GALNT16: variants seen among roughly 807,000 people sequenced by gnomAD.
The protein encoded by GALNT16 is UDP-GalNAc:polypeptide N-acetylgalactosaminyltransferase-like protein 1.
GALNT16 carries 40 observed loss-of-function variants against 76.1 expected under a neutral mutation model. The ratio of observed to expected loss-of-function variants is 0.53; its 90% confidence interval spans 0.41 to 0.68. The LOEUF (loss-of-function observed/expected upper bound fraction) is 0.68. Among genes scored for constraint, GALNT16 ranks in the 30% least tolerant of loss-of-function variants. GALNT16 has a pLI of 0.00. For missense variants in GALNT16, 621 were observed against 731.9 expected (o/e 0.85, Z 1.75); for synonymous variants, 276 against 285.2 (o/e 0.97, Z 0.32).
At chr14:69,360,002 C>T (rs554214195), downstream of GALNT16, among the ~76,000 whole-genome samples, 6 of 149,902 alleles carry the variant, frequency 4.0e-5, no homozygotes, top group Admixed American at 6.6e-5. Context: ...TCCAGCCTGG[C>T]GACGGAGTGG....
chr14:69,269,425 G>A (rs1328022834), intron 1 of GALNT16, among the ~76,000 whole-genome samples: 1 of 151,012 alleles, frequency 6.6e-6, no homozygotes, highest in African/African-American at 2.4e-5. Flanking sequence ...GTATGTGTAT[G>A]TGTGGTATGT....
chr14:69,325,457 TC>T, intron 4 of GALNT16, 53 bp downstream of exon 4: 1 of 1,060,550 alleles, frequency 9.4e-7, no homozygotes, highest in Non-Finnish European at 1.5e-6. Context: ...CGTCCCTGTT[TC>T]CCCAGAACAC....
chr14:69,274,379 T>G (rs1025213044), intron 1 of GALNT16, among the ~76,000 whole-genome samples: 2 of 152,230 alleles, frequency 1.3e-5, no homozygotes, highest in Admixed American at 1.3e-4. Flanking sequence ...TTATTTATTC[T>G]CTCTCATTGG....
At chr14:69,316,779 G>GGGGGGC (rs2045107894) in intron 1 of GALNT16, among the ~76,000 whole-genome samples, 1 of 133,972 alleles carries the variant, frequency 7.5e-6, no homozygotes, top group Non-Finnish European at 1.6e-5. Flanking sequence ...GTCTGTGAGG[G>GGGGGGC]GGGGGGGCAC....
At chr14:69,375,464 TTCTGGGGTCC>T in the GALNT16 span, among the ~76,000 whole-genome samples, 1 of 152,320 alleles carries the variant, frequency 6.6e-6, no homozygotes, top group Non-Finnish European at 1.5e-5. Context: ...CTATTCTTTG[TTCTGGGGTCC>T]TGGCACACAG....
chr14:69,380,597 A>G, the GALNT16 span: 1 of 1,601,550 alleles, frequency 6.2e-7, no homozygotes, highest in Non-Finnish European at 8.5e-7. Context: ...TCTTTAATCC[A>G]GTCTTTGTTA....
At chr14:69,380,521 C>T in the GALNT16 span, 1 of 1,367,760 alleles carries the variant, frequency 7.3e-7, no homozygotes, top group Non-Finnish European at 1.0e-6. Flanking sequence ...CCAACCCCCC[C>T]AGTGCTTCCA....
At chr14:69,294,856 T>C (rs777358562) in intron 1 of GALNT16, among the ~76,000 whole-genome samples, 1 of 152,150 alleles carries the variant, frequency 6.6e-6, no homozygotes, top group Non-Finnish European at 1.5e-5. Flanking sequence ...GGAGCGGGGA[T>C]TTCAGGCACA....
the GALNT16 span, among the ~76,000 whole-genome samples, chr14:69,382,732 G>A: frequency 0.015 from 2,307 of 151,228 alleles, 25 homozygotes; most frequent in Non-Finnish European, 0.025. Context: ...CCAGCTACTC[G>A]GGAGGCTGAG....
At chr14:69,262,588 G>C (rs1242120337) in intron 1 of GALNT16, among the ~76,000 whole-genome samples, 6 of 152,178 alleles carry the variant, frequency 3.9e-5, no homozygotes, top group Admixed American at 2.0e-4. Flanking sequence ...GGGAAGTGAA[G>C]GTGCAGGAAG....
At position 69,352,069 on chromosome 14, in the gene GALNT16, C is replaced by A; in HGVS notation, c.1578C>A (p.Val526=). 6.2e-7 allele frequency: 1 copy of A among 1,613,970 alleles called. No individual in the cohort carries two copies. Among genetic ancestry groups the A allele is most frequent in the South Asian group, 1.1e-5 (1 of 91,050 alleles). The change falls in exon 15 of 15, where the codon GTC becomes GTA. Residue 526 remains valine, a synonymous_variant. Coordinates refer to ENST00000448469, the MANE Select transcript of GALNT16 (RefSeq NM_001168368.2). The part of the protein sequence containing the change: ...RRKGSFIQHS[V]SGLCLETKPA... ...AAGGATCTTTCATCCAGCATTCAGT[C>A]AGTGGCCTCTGCCTGGAGACAAAGC...
chr14:69,271,826 G>A (rs570413269), intron 1 of GALNT16, among the ~76,000 whole-genome samples: 1 of 152,244 alleles, frequency 6.6e-6, no homozygotes, highest in South Asian at 2.1e-4. Context: ...ATTGAAATCT[G>A]CTGTAAAATA....
intron 12 of GALNT16, among the ~76,000 whole-genome samples, chr14:69,346,260 C>T (rs1367476665): frequency 6.6e-6 from 1 of 152,104 alleles, no homozygotes; most frequent in Non-Finnish European, 1.5e-5. Context: ...TTTAGCCCAG[C>T]TCCTGTTGTT....
intron 4 of GALNT16, 101 bp from the exon 5 acceptor site, chr14:69,325,861 C>T: frequency 1.1e-6 from 1 of 898,554 alleles, no homozygotes; most frequent in Non-Finnish European, 1.9e-6. Context: ...CATCCCCAAC[C>T]CTTTCCTGGG....
chr14:69,379,005 C>A, the GALNT16 span, among the ~76,000 whole-genome samples: 2 of 151,962 alleles, frequency 1.3e-5, no homozygotes, highest in African/African-American at 4.8e-5. Flanking sequence ...GCAATCTCGG[C>A]TCACTCACTG....
the GALNT16 span, among the ~76,000 whole-genome samples, chr14:69,366,087 T>C: frequency 7.9e-5 from 12 of 152,344 alleles, no homozygotes; most frequent in South Asian, 2.1e-3. Context: ...TGGCATTTGA[T>C]GCAAGACTTG....
chr14:69,307,580 C>G (rs1044347598), intron 1 of GALNT16, among the ~76,000 whole-genome samples: 1 of 152,120 alleles, frequency 6.6e-6, no homozygotes, highest in Admixed American at 6.5e-5. Flanking sequence ...TACCTCCTTT[C>G]CGCAGCTACG....
chr14:69,333,342 C>G lies in GALNT16; in HGVS notation c.864-155C>G. The G allele has an allele frequency of 2.8e-6, 2 of 703,676 alleles. No homozygotes were observed. Among genetic ancestry groups the G allele is most frequent in the Admixed American group, 2.7e-5 (1 of 37,270 alleles). 43.6% of individuals were successfully genotyped at this position (703,676 alleles called of 1,614,324 possible). ...ACAGCGAGGACAGAGGCCACGGGAA[C>G]AGATGTGGGGGGCCAGGGAGCTGGC... On this transcript the variant is annotated intron_variant, in intron 8 of 14. Transcript: ENST00000448469. The surrounding 1 kb of genome is among the most constrained non-coding windows in gnomAD (Gnocchi z 4.2).
chr14:69,302,700 A>C (rs2044871434), intron 1 of GALNT16, among the ~76,000 whole-genome samples: 2 of 152,254 alleles, frequency 1.3e-5, no homozygotes, highest in Non-Finnish European at 2.9e-5. Flanking sequence ...ATGGACATAT[A>C]GGGTGACCAG....
Sources: gnomAD v4.1 joint callset for allele counts (sites outside exome capture counted in the v4.1 genomes callset) on GRCh38, gnomAD v4.1.1 for gene constraint, Gnocchi (gnomAD v3.1) non-coding constraint, MANE v1.5 for transcripts, NCBI Gene and HGNC (gene_info 2026-07-23, HGNC 2026-07-21) for gene names.